IKZF4: variants seen among roughly 807,000 people sequenced by gnomAD.
IKZF4 encodes IKAROS family zinc finger 4.
IKZF4 carries 11 observed loss-of-function variants against 47.7 expected under a neutral mutation model. The observed-to-expected ratio is 0.23, with a 90% CI of 0.15 to 0.38. IKZF4 has a LOEUF of 0.38. IKZF4 is among the 10% of genes least tolerant of loss of function. The pLI is 1.00. For missense variants in IKZF4, 557 were observed against 784.9 expected (o/e 0.71, Z 3.47); for synonymous variants, 298 against 299.4 (o/e 1.00, Z 0.05).
chr12:56,017,356 C>T (rs1012942841), upstream of IKZF4, among the ~76,000 whole-genome samples: 1 of 151,584 alleles, frequency 6.6e-6, no homozygotes, highest in Admixed American at 6.6e-5. Context: ...ATCACTGAAC[C>T]CTGAGTGGGC....
chr12:56,016,797 T>G (rs1259560511), upstream of IKZF4, among the ~76,000 whole-genome samples: 1 of 151,906 alleles, frequency 6.6e-6, no homozygotes, highest in African/African-American at 2.4e-5. Context: ...ATGGGGTTTC[T>G]CCATGTTGGT....
chr12:56,037,713 C>T lies in IKZF4; in HGVS notation c.*2382C>T, dbSNP rs964555293. ...GTGCTAAGGAGGGGAGAGGGGGCATCCTGTCTCTCTCCAGACCATCACTGC... is the reference window on the plus strand; with the variant it reads ...GTGCTAAGGAGGGGAGAGGGGGCATTCTGTCTCTCTCCAGACCATCACTGC... On this transcript the variant is annotated 3_prime_UTR_variant, in exon 8 of 8. Transcript: ENST00000547167. 6.6e-6 allele frequency: 1 copy of T among 152,568 alleles called. No homozygotes were observed. Among genetic ancestry groups the T allele is most frequent in the African/African-American group, 2.4e-5 (1 of 41,366 alleles). The allele number at this position is 152,568 out of a possible 1,614,324, so 9.5% of individuals were successfully genotyped here. A position where few individuals can be genotyped will look rare whatever the true frequency, so the allele number is the denominator to read the frequency against.
intron 2 of IKZF4, among the ~76,000 whole-genome samples, chr12:56,012,312 T>C (rs563679289): frequency 2.6e-5 from 4 of 151,390 alleles, no homozygotes; most frequent in Admixed American, 2.6e-4. Flanking sequence ...TTTGTTCTTG[T>C]TGCCCAGTCT....
chr12:56,023,901 C>T, intron 2 of IKZF4, 137 bp downstream of exon 2: 1 of 1,483,206 alleles, frequency 6.7e-7, no homozygotes, highest in South Asian at 1.3e-5. Context: ...CCTGTGTGCA[C>T]ACATCCATGC....
chr12:56,021,401 C>A lies in IKZF4; in HGVS notation c.-93C>A, dbSNP rs138553631. 6.5e-6 allele frequency: 10 copies of A among 1,550,354 alleles called. No individual in the cohort carries two copies. Among genetic ancestry groups the A allele is most frequent in the Middle Eastern group, 1.7e-4 (1 of 5,876 alleles). ...CTCACCGTGCCGCTGCTGCTGCCTG[C>A]GAAATGACGGCGGTTCCCCTCACTT... On this transcript the variant is annotated 5_prime_UTR_variant, in exon 1 of 8. Transcript: ENST00000547167.
chr12:56,025,557 GC>G (rs1350424668), intron 3 of IKZF4, among the ~76,000 whole-genome samples: 5 of 152,054 alleles, frequency 3.3e-5, no homozygotes, highest in Non-Finnish European at 5.9e-5. Context: ...TCCCCAGCTG[GC>G]CCTAGATCTG....
chr12:56,028,636 G>A (rs1894442579), intron 5 of IKZF4, among the ~76,000 whole-genome samples: 1 of 151,376 alleles, frequency 6.6e-6, no homozygotes, highest in African/African-American at 2.4e-5. Context: ...AGGCTGGAGT[G>A]TAGTGGTGCA....
At chr12:56,020,973 C>A, upstream of IKZF4, 2 of 1,029,364 alleles carry the variant, frequency 1.9e-6, no homozygotes, top group Non-Finnish European at 2.3e-6. Context: ...GAGGATTGGG[C>A]CTTCCCTAGG....
At chr12:56,009,690 C>A (rs1891115127) in intron 1 of IKZF4, among the ~76,000 whole-genome samples, 1 of 152,216 alleles carries the variant, frequency 6.6e-6, no homozygotes, top group Admixed American at 6.5e-5. Flanking sequence ...CAGAATTATA[C>A]CTTGCCCTAG....
Position 56,032,586 on chromosome 12 carries a change from C to G in IKZF4, c.741C>G (p.Pro247=). 1 of 1,613,696 alleles carries G rather than the reference C, an allele frequency of 6.2e-7. No individual in the cohort carries two copies. The highest frequency in any genetic ancestry group is 1.3e-5 in the African/African-American group (1 of 75,046). Residue 247 remains proline, a synonymous_variant, in exon 6 of 8, where the codon CCC becomes CCG. Coordinates refer to ENST00000547167, the MANE Select transcript of IKZF4 (RefSeq NM_022465.4). The part of the protein sequence containing the change: ...HSVSSPTVGK[P]YKCNYCGRSY... ...TCTCCTCTCCCACAGTGGGCAAGCC[C>G]TACAAGTGTAACTACTGTGGCCGGA...
intron 3 of IKZF4, among the ~76,000 whole-genome samples, chr12:56,026,487 C>T (rs979767304): frequency 2.6e-5 from 4 of 151,674 alleles, no homozygotes; most frequent in African/African-American, 9.7e-5. Context: ...GTTGGAAGTT[C>T]GAGACCATCC....
chr12:56,020,989 C>A (rs1167308907), upstream of IKZF4: 9 of 1,040,052 alleles, frequency 8.7e-6, no homozygotes, highest in Non-Finnish European at 1.0e-5. Context: ...CTAGGGCCCC[C>A]CCTTTCTCCC....
chr12:56,025,112 G>C lies in IKZF4; in HGVS notation c.240G>C (p.Val80=). Residue 80 remains valine, a synonymous_variant, in exon 3 of 8, where the codon GTG becomes GTC. Transcript: ENST00000547167. The stretch of plus-strand genomic sequence containing the variant: ...TCGGGGCCCCAGTGGGGCCCTCGGT[G>C]AGCACCCCCAACAGCCAGCACTCTT... ...EFLGAPVGPS[V]STPNSQHSSP... is the part of the protein sequence containing the mutation. The C allele has an allele frequency of 6.9e-6, 11 of 1,604,764 alleles. No homozygotes were observed. Among genetic ancestry groups the C allele is most frequent in the Non-Finnish European group, 9.4e-6 (11 of 1,175,984 alleles).
chr12:56,021,255 T>A lies in IKZF4; in HGVS notation c.-239T>A. ...CCTCCCCAAGCACATCCAAGCGTGC[T>A]CTCCCCTCTCCTTCTCTCCCTCTCT... On this transcript the variant is annotated 5_prime_UTR_variant, in exon 1 of 8. Coordinates refer to ENST00000547167, the MANE Select transcript of IKZF4 (RefSeq NM_022465.4). 1 of 1,402,782 alleles carries A rather than the reference T, an allele frequency of 7.1e-7. No homozygotes were observed. The highest frequency in any genetic ancestry group is 1.4e-5 in the South Asian group (1 of 70,178). The allele number at this position is 1,402,782 out of a possible 1,614,324, so 86.9% of individuals were successfully genotyped here.
chr12:56,014,218 T>G (rs557769565), intron 2 of IKZF4, among the ~76,000 whole-genome samples: 1 of 151,786 alleles, frequency 6.6e-6, no homozygotes, highest in African/African-American at 2.4e-5. Flanking sequence ...TGGAGGCAGC[T>G]AAGTACAGCT....
At chr12:56,023,462 C>T (rs1046865083) in intron 1 of IKZF4, among the ~76,000 whole-genome samples, 14 of 152,204 alleles carry the variant, frequency 9.2e-5, no homozygotes, top group Non-Finnish European at 1.9e-4. Flanking sequence ...GTTCTGATTT[C>T]GGGCAACATT....
At chr12:56,033,045 G>C (rs1895124938) in intron 6 of IKZF4, 145 bp from the exon 7 acceptor site, 2 of 902,062 alleles carry the variant, frequency 2.2e-6, no homozygotes, top group Non-Finnish European at 3.3e-6. Context: ...GTGAGCTTTA[G>C]GTAGGGTAAA....
intron 2 of IKZF4, among the ~76,000 whole-genome samples, chr12:56,024,402 T>A (rs1893598524): frequency 6.6e-6 from 1 of 152,196 alleles, no homozygotes; most frequent in African/African-American, 2.4e-5. Context: ...CTGTCTATGA[T>A]CCCAGTTCCA....
At chr12:56,032,266 T>TC (rs1209026443) in intron 5 of IKZF4, 13 of 346,514 alleles carry the variant, frequency 3.8e-5, no homozygotes, top group Non-Finnish European at 5.9e-5. Flanking sequence ...AGTCCCTGGG[T>TC]CCTCACTTCC....
Sources: allele counts gnomAD v4.1 joint callset (sites outside exome capture counted in the v4.1 genomes callset), GRCh38; gene constraint gnomAD v4.1.1; transcripts MANE v1.5; gene names NCBI Gene and HGNC (gene_info 2026-07-23, HGNC 2026-07-21).